The following SNTG1 variants were observed in gnomAD, a reference collection of about 807,000 sequenced individuals.
SNTG1 encodes the protein gamma-1-syntrophin.
A neutral mutation model predicts 74.7 loss-of-function variants in SNTG1; 39 were observed. That is an observed-to-expected ratio of 0.52 (90% CI 0.40 to 0.68). SNTG1 has a LOEUF of 0.68. SNTG1 is among the 30% of genes least tolerant of loss of function. The pLI is 0.00. For missense variants in SNTG1, 685 were observed against 609.5 expected, an observed-to-expected ratio of 1.12 and a Z score of -1.30; for synonymous variants, 254 against 217.1, an observed-to-expected ratio of 1.17 and a Z score of -1.49.
At chr8:50,323,491 A>G (rs2090612042) in intron 2 of SNTG1, among the ~76,000 whole-genome samples, 1 of 152,154 alleles carries the variant, frequency 6.6e-6, no homozygotes, top group Non-Finnish European at 1.5e-5. Context: ...CCTTCTTGGG[A>G]AGACTTACTT....
At chr8:50,519,391 CACAAG>C (rs1330673739) in intron 9 of SNTG1, among the ~76,000 whole-genome samples, 1 of 152,062 alleles carries the variant, frequency 6.6e-6, no homozygotes, top group East Asian at 1.9e-4. Flanking sequence ...TGAAAACCAG[CACAAG>C]ACAAGGATGC....
intron 15 of SNTG1, among the ~76,000 whole-genome samples, chr8:50,659,451 C>G (rs1365733234): frequency 1.3e-5 from 2 of 152,110 alleles, no homozygotes; most frequent in Admixed American, 1.3e-4. Context: ...AGCTATTTCT[C>G]TTCCCGTTAA....
At chr8:50,155,982 AT>A (rs1342033742) in intron 1 of SNTG1, among the ~76,000 whole-genome samples, 1 of 152,100 alleles carries the variant, frequency 6.6e-6, no homozygotes, top group Non-Finnish European at 1.5e-5. Flanking sequence ...AGGAAAAAAA[AT>A]AAACACTATT....
At chr8:50,051,042 T>C (rs892851520) in intron 1 of SNTG1, among the ~76,000 whole-genome samples, 2 of 152,056 alleles carry the variant, frequency 1.3e-5, no homozygotes, top group African/African-American at 4.8e-5. Context: ...AATTCATCCT[T>C]ATTGGTGAAA....
chr8:50,060,233 T>C (rs1279757636), intron 1 of SNTG1, among the ~76,000 whole-genome samples: 1 of 152,120 alleles, frequency 6.6e-6, no homozygotes, highest in Non-Finnish European at 1.5e-5. Flanking sequence ...AGTAATTAAC[T>C]ATTCTTTATA....
chr8:50,333,379 T>C (rs552193276), intron 2 of SNTG1, among the ~76,000 whole-genome samples: 19 of 152,388 alleles, frequency 1.2e-4, no homozygotes, highest in Admixed American at 6.5e-4. Flanking sequence ...ATTTTTGAAA[T>C]ATATGTGTTT....
At chr8:50,538,556 C>G (rs1013723246) in intron 11 of SNTG1, among the ~76,000 whole-genome samples, 1 of 151,970 alleles carries the variant, frequency 6.6e-6, no homozygotes, top group African/African-American at 2.4e-5. Flanking sequence ...AATCAGTGTC[C>G]CCTGTAAGTA....
intron 13 of SNTG1, among the ~76,000 whole-genome samples, chr8:50,638,581 A>G (rs1392945951): frequency 6.6e-6 from 1 of 152,036 alleles, no homozygotes; most frequent in Non-Finnish European, 1.5e-5. Context: ...GTCTTAACAG[A>G]AAATACCTTA....
intron 15 of SNTG1, 68 bp from the exon 16 acceptor site, chr8:50,704,532 T>A: frequency 6.2e-7 from 1 of 1,604,904 alleles, no homozygotes; most frequent in Non-Finnish European, 8.5e-7. Flanking sequence ...CTTGGTCCAG[T>A]CAGGAATGGC....
At chr8:50,632,005 C>A (rs886756376) in intron 13 of SNTG1, among the ~76,000 whole-genome samples, 1 of 152,024 alleles carries the variant, frequency 6.6e-6, no homozygotes, top group African/African-American at 2.4e-5. Context: ...CTATGTTAAG[C>A]GATTTGTCAT....
chr8:50,545,852 G>A (rs937813168), intron 11 of SNTG1, among the ~76,000 whole-genome samples: 4 of 152,110 alleles, frequency 2.6e-5, no homozygotes, highest in African/African-American at 4.8e-5. Flanking sequence ...GGCAAGTTTA[G>A]TGGTTATGAG....
intron 2 of SNTG1, among the ~76,000 whole-genome samples, chr8:50,383,014 G>A (rs4242460): frequency 0.77 from 117,034 of 152,142 alleles, 45,129 homozygotes; most frequent in East Asian, 0.84. Flanking sequence ...ATAATCTCCT[G>A]TACTTAAAGC....
intron 2 of SNTG1, among the ~76,000 whole-genome samples, chr8:50,211,445 T>C (rs1346622858): frequency 1.3e-5 from 2 of 152,144 alleles, no homozygotes; most frequent in African/African-American, 4.8e-5. Flanking sequence ...CTTGGTGCCA[T>C]GCATTGTGCT....
At chr8:50,583,174 G>T (rs947821052) in intron 12 of SNTG1, among the ~76,000 whole-genome samples, 2 of 151,912 alleles carry the variant, frequency 1.3e-5, no homozygotes, top group Non-Finnish European at 2.9e-5. Flanking sequence ...AAGCCGAGGC[G>T]AGTGGATCAC....
intron 2 of SNTG1, among the ~76,000 whole-genome samples, chr8:50,280,168 C>T (rs921811628): frequency 6.6e-6 from 1 of 152,132 alleles, no homozygotes; most frequent in African/African-American, 2.4e-5. Context: ...CTCATTTTTC[C>T]ATTTGAAAAT....
At chr8:50,356,051 GTT>G (rs1301952720) in intron 2 of SNTG1, among the ~76,000 whole-genome samples, 1 of 151,732 alleles carries the variant, frequency 6.6e-6, no homozygotes, top group Non-Finnish European at 1.5e-5. Context: ...GTTTGTTTTT[GTT>G]TTTTGTCTGT....
At chr8:50,419,558 C>T (rs921570204) in intron 4 of SNTG1, among the ~76,000 whole-genome samples, 4 of 152,138 alleles carry the variant, frequency 2.6e-5, no homozygotes, top group Admixed American at 2.0e-4. Context: ...ACAATGGAGT[C>T]GGTTGAGACC....
chr8:50,253,749 A>G (rs558276631), intron 2 of SNTG1, among the ~76,000 whole-genome samples: 17 of 152,246 alleles, frequency 1.1e-4, no homozygotes, highest in African/African-American at 3.9e-4. Context: ...GAAAAGAATG[A>G]AATCTTACCA....
At chr8:50,767,473 A>G (rs1563820498) in intron 18 of SNTG1, among the ~76,000 whole-genome samples, 1 of 151,990 alleles carries the variant, frequency 6.6e-6, no homozygotes, top group Non-Finnish European at 1.5e-5. Flanking sequence ...GCAAAAATTC[A>G]TAAATTCTTA....
Sources: allele counts gnomAD v4.1 joint callset (sites outside exome capture counted in the v4.1 genomes callset), GRCh38; gene constraint gnomAD v4.1.1; transcripts MANE v1.5; gene names NCBI Gene and HGNC (gene_info 2026-07-23, HGNC 2026-07-21).